The following AGPAT3 variants were observed in gnomAD, a reference collection of about 807,000 sequenced individuals.
AGPAT3 encodes 1-acyl-sn-glycerol-3-phosphate acyltransferase gamma.
AGPAT3 carries 5 observed loss-of-function variants against 47.3 expected under a neutral mutation model. The ratio of observed to expected loss-of-function variants is 0.11; its 90% confidence interval spans 0.06 to 0.22. AGPAT3 has a LOEUF of 0.22. Ranked by LOEUF, AGPAT3 falls within the 10% of genes least tolerant of loss-of-function variation. AGPAT3 has a pLI of 1.00. For synonymous variants in AGPAT3, 212 were observed against 208.3 expected (o/e 1.02, Z -0.15); for missense variants, 315 against 493.0 (o/e 0.64, Z 3.42).
chr21:43,885,391 C>CTT (rs113393341), intron 1 of AGPAT3, among the ~76,000 whole-genome samples: 11 of 139,776 alleles, frequency 7.9e-5, no homozygotes, highest in East Asian at 2.0e-4. Context: ...TTTCTTTTTT[C>CTT]TTTTTTTTTT....
intron 2 of AGPAT3, among the ~76,000 whole-genome samples, chr21:43,917,657 T>G (rs1320983482): frequency 6.6e-6 from 1 of 150,808 alleles, no homozygotes; most frequent in South Asian, 2.1e-4. Flanking sequence ...CTTTTAAAGG[T>G]GGGGGGATGT....
intron 1 of AGPAT3, among the ~76,000 whole-genome samples, chr21:43,883,875 A>G (rs1387977669): frequency 1.3e-5 from 2 of 151,998 alleles, no homozygotes; most frequent in African/African-American, 2.4e-5. Flanking sequence ...ATTACAGGTG[A>G]GAGCCACTGT....
intron 2 of AGPAT3, chr21:43,924,914 G>C (rs1416332532): frequency 6.6e-6 from 1 of 152,284 alleles, no homozygotes; most frequent in Non-Finnish European, 1.5e-5. Context: ...AGGATTTCAA[G>C]CCCCGTGTGT....
At chr21:43,890,514 G>T (rs570260506) in intron 1 of AGPAT3, among the ~76,000 whole-genome samples, 18 of 151,916 alleles carry the variant, frequency 1.2e-4, no homozygotes, top group African/African-American at 4.3e-4. Flanking sequence ...GTGGGCTCAA[G>T]CGATCCTCCC....
Position 43,986,249 on chromosome 21 carries a change from A to T in AGPAT3, c.*3857A>T, listed in dbSNP as rs899477242. ...TTGTTAATTCAGGGATAATGGTGGC[A>T]TTCTTACAAACTGCTCGGGAAATAG... On this transcript the variant is annotated 3_prime_UTR_variant, in exon 10 of 10. Transcript: ENST00000291572. 2 of 152,234 alleles carry T rather than the reference A, an allele frequency of 1.3e-5. No individual in the cohort carries two copies. The highest frequency in any genetic ancestry group is 4.8e-5 in the African/African-American group (2 of 41,448). 9.4% of individuals were successfully genotyped at this position (152,234 alleles called of 1,614,324 possible).
rs113033865 is a variant in AGPAT3, at chr21:43,971,602, G to C, written c.767+112G>C. The C allele has an allele frequency of 2.2e-3, 2,118 of 963,878 alleles. 30 individuals carry two copies. The African/African-American group carries it at 0.029, about 13-fold the overall frequency. 59.7% of individuals were successfully genotyped at this position (963,878 alleles called of 1,614,324 possible). On this transcript the variant is annotated intron_variant, in intron 7 of 9. Coordinates refer to ENST00000291572, the MANE Select transcript of AGPAT3 (RefSeq NM_020132.5). ...AGGCCCCACGTCCCACAGCCCCGCA[G>C]GGTGGAACTCACACGGAAGGCCTGT... is the stretch of plus-strand genomic sequence containing the variant.
At chr21:43,894,346 T>A (rs1212909781) in intron 1 of AGPAT3, among the ~76,000 whole-genome samples, 3 of 152,162 alleles carry the variant, frequency 2.0e-5, no homozygotes, top group South Asian at 4.1e-4. Context: ...GGTGGATGTT[T>A]GACTTTTGTT....
At chr21:43,976,603 A>T (rs2146882240) in intron 7 of AGPAT3, among the ~76,000 whole-genome samples, 1 of 152,392 alleles carries the variant, frequency 6.6e-6, no homozygotes, top group Non-Finnish European at 1.5e-5. Context: ...TCACGTTCTA[A>T]GAAAACTCTT....
intron 2 of AGPAT3, among the ~76,000 whole-genome samples, chr21:43,925,794 G>C (rs1014161135): frequency 2.0e-5 from 3 of 152,240 alleles, no homozygotes; most frequent in Non-Finnish European, 4.4e-5. Flanking sequence ...TTCCCACACA[G>C]AGCTCTGTCA....
chr21:43,916,244 A>G (rs2086726043), intron 2 of AGPAT3: 1 of 152,154 alleles, frequency 6.6e-6, no homozygotes, highest in Non-Finnish European at 1.5e-5. Flanking sequence ...CTTTCTCCTT[A>G]TGCACTGCTT....
intron 7 of AGPAT3, among the ~76,000 whole-genome samples, chr21:43,976,070 T>C (rs897877318): frequency 1.3e-5 from 2 of 149,824 alleles, no homozygotes; most frequent in African/African-American, 5.0e-5. Context: ...GAAAATGATT[T>C]TTATTTTTTT....
intron 1 of AGPAT3, among the ~76,000 whole-genome samples, chr21:43,903,006 A>G (rs2086394384): frequency 6.6e-6 from 1 of 152,158 alleles, no homozygotes; most frequent in African/African-American, 2.4e-5. Context: ...GTCTCAAAAA[A>G]AATATGAATT....
intron 7 of AGPAT3, among the ~76,000 whole-genome samples, chr21:43,976,451 C>T (rs942641971): frequency 1.3e-5 from 2 of 152,206 alleles, no homozygotes; most frequent in African/African-American, 2.4e-5. Context: ...GCCTGCCCCT[C>T]GGCTTCCCGA....
rs758192975 is a variant in AGPAT3 at position 43,935,710 on chromosome 21, AT to A, written c.-48-23913del. Among the ~76,000 whole-genome samples, 412 of 147,754 alleles carry A rather than the reference AT, an allele frequency of 2.8e-3. 1 individual carries two copies. The highest frequency in any genetic ancestry group is 4.3e-3 in the Non-Finnish European group (289 of 66,568). On this transcript the variant is annotated intron_variant, in intron 2 of 9. Transcript: ENST00000291572. ...AAGGGAACGACTCTCCCAGGAAGGG[AT>A]TTTTTTTTTTCCTTATCACGAGAAA...
intron 2 of AGPAT3, among the ~76,000 whole-genome samples, chr21:43,936,817 G>A (rs2087463831): frequency 6.6e-6 from 1 of 152,240 alleles, no homozygotes; most frequent in African/African-American, 2.4e-5. Context: ...CGGCTCCCAG[G>A]CCTCTGTGCC....
intron 1 of AGPAT3, among the ~76,000 whole-genome samples, chr21:43,896,867 T>C (rs986057439): frequency 6.6e-6 from 1 of 151,930 alleles, no homozygotes; most frequent in African/African-American, 2.4e-5. Flanking sequence ...TTTTTCTGTA[T>C]CTTTAAATCT....
At chr21:43,974,517 AGT>A (rs902801301) in intron 7 of AGPAT3, among the ~76,000 whole-genome samples, 2 of 149,414 alleles carry the variant, frequency 1.3e-5, no homozygotes, top group African/African-American at 5.0e-5. Flanking sequence ...TGTGTGGTAT[AGT>A]GTGTCATGTG....
Position 43,970,772 on chromosome 21 carries a change from C to G in AGPAT3, c.630C>G (p.Gly210=), listed in dbSNP as rs1335432691. ...LKYHLLPRTK[G]FTTAVKCLRG... ...ACCACCTGCTGCCGCGGACCAAGGGCTTCACCACCGCAGTCAAGTGCCTCC... is the reference window on the plus strand; with the variant it reads ...ACCACCTGCTGCCGCGGACCAAGGGGTTCACCACCGCAGTCAAGTGCCTCC... Residue 210 remains glycine, a synonymous_variant, in exon 6 of 10, where the codon GGC becomes GGG. Transcript: ENST00000291572. This position sits in a 1 kb window ranked among gnomAD's most constrained non-coding sequence, Gnocchi z 5.8. 8 of 1,601,398 alleles carry G rather than the reference C, an allele frequency of 5.0e-6. No individual in the cohort carries two copies. The highest frequency in any genetic ancestry group is 6.8e-6 in the Non-Finnish European group (8 of 1,171,014).
chr21:43,885,302 C>T (rs908772556), intron 1 of AGPAT3, among the ~76,000 whole-genome samples: 5 of 152,126 alleles, frequency 3.3e-5, no homozygotes, highest in African/African-American at 4.8e-5. Context: ...TTCTCTGCTT[C>T]GTGTGTTCCT....
Sources: allele counts gnomAD v4.1 joint callset (sites outside exome capture counted in the v4.1 genomes callset), GRCh38; gene constraint gnomAD v4.1.1; non-coding constraint Gnocchi (gnomAD v3.1); transcripts MANE v1.5; gene names NCBI Gene and HGNC (gene_info 2026-07-23, HGNC 2026-07-21).